Variants in SYNPR observed in about 807,000 individuals in gnomAD.
SYNPR encodes the protein synaptoporin.
Under a neutral mutation model 32.9 loss-of-function variants are expected in SYNPR, and 23 were observed. That is an observed-to-expected ratio of 0.70 (90% CI 0.50 to 0.99). The LOEUF (loss-of-function observed/expected upper bound fraction) is 0.99, where lower values mean the gene tolerates loss of function less well. SYNPR is among the 50% of genes least tolerant of loss of function. The pLI, the probability that SYNPR is intolerant of heterozygous loss-of-function variation, is 0.00. For synonymous variants in SYNPR, 146 were observed against 135.9 expected, an observed-to-expected ratio of 1.07 and a Z score of -0.52; for missense variants, 318 against 349.3, an observed-to-expected ratio of 0.91 and a Z score of 0.71.
chr3:63,417,114 T>C (rs186417366), intron 2 of SYNPR, among the ~76,000 whole-genome samples: 4 of 152,182 alleles, frequency 2.6e-5, no homozygotes, highest in Admixed American at 2.6e-4. Context: ...AAAATCAAAA[T>C]CAAATTGGTT....
the SYNPR span, among the ~76,000 whole-genome samples, chr3:63,217,351 A>C: frequency 3.8e-5 from 2 of 52,966 alleles, 1 homozygote; most frequent in African/African-American, 1.3e-4. Context: ...CTGTGCTAGC[A>C]ATCAGCGAGA....
At chr3:63,398,681 T>G (rs2088250609) in intron 2 of SYNPR, among the ~76,000 whole-genome samples, 2 of 151,188 alleles carry the variant, frequency 1.3e-5, no homozygotes, top group African/African-American at 4.9e-5. Context: ...ATCACACCAC[T>G]GTACTCCAGC....
chr3:63,290,473 C>T (rs920449363), intron 2 of SYNPR, among the ~76,000 whole-genome samples: 1 of 152,178 alleles, frequency 6.6e-6, no homozygotes, highest in Non-Finnish European at 1.5e-5. Flanking sequence ...TAAATGCCCT[C>T]ATGACTAAGG....
At chr3:63,424,707 G>A (rs925241301) in intron 2 of SYNPR, among the ~76,000 whole-genome samples, 3 of 152,020 alleles carry the variant, frequency 2.0e-5, no homozygotes, top group African/African-American at 4.8e-5. Context: ...ACACAATATC[G>A]ACAATCCCTT....
intron 3 of SYNPR, among the ~76,000 whole-genome samples, chr3:63,494,864 G>C (rs1370433240): frequency 6.6e-6 from 1 of 152,082 alleles, no homozygotes; most frequent in Non-Finnish European, 1.5e-5. Context: ...CCCTTGAGTT[G>C]ACAAGTCCCC....
At chr3:63,455,503 G>A (rs567928016) in intron 2 of SYNPR, among the ~76,000 whole-genome samples, 1 of 152,088 alleles carries the variant, frequency 6.6e-6, no homozygotes, top group South Asian at 2.1e-4. Context: ...ACTATGTTTG[G>A]AGTATGAAAT....
intron 2 of SYNPR, among the ~76,000 whole-genome samples, chr3:63,279,303 G>A (rs922566580): frequency 6.6e-6 from 1 of 152,162 alleles, no homozygotes; most frequent in Non-Finnish European, 1.5e-5. Context: ...AAACGGCGGC[G>A]GGTAGAGAGC....
At chr3:63,477,731 C>G (rs1026029507) in intron 2 of SYNPR, among the ~76,000 whole-genome samples, 2 of 151,520 alleles carry the variant, frequency 1.3e-5, no homozygotes, top group Admixed American at 6.6e-5. Context: ...TGGCTCCCCA[C>G]TGTCCATCTG....
intron 3 of SYNPR, among the ~76,000 whole-genome samples, chr3:63,522,332 A>T (rs1272550196): frequency 6.6e-6 from 1 of 152,224 alleles, no homozygotes; most frequent in Non-Finnish European, 1.5e-5. Flanking sequence ...TCTGTGAGAA[A>T]AAGAACAACA....
At chr3:63,410,461 A>G (rs1250225986) in intron 2 of SYNPR, among the ~76,000 whole-genome samples, 1 of 152,170 alleles carries the variant, frequency 6.6e-6, no homozygotes, top group Non-Finnish European at 1.5e-5. Flanking sequence ...CTAATGCACT[A>G]TCAGTTCAGG....
chr3:63,263,641 A>G (rs1184075265), intron 2 of SYNPR, among the ~76,000 whole-genome samples: 1 of 152,294 alleles, frequency 6.6e-6, no homozygotes, highest in Non-Finnish European at 1.5e-5. Context: ...AAAGTTGGTG[A>G]GTTGGTGCTG....
chr3:63,414,000 A>G (rs2107121144), intron 2 of SYNPR, among the ~76,000 whole-genome samples: 1 of 150,394 alleles, frequency 6.6e-6, no homozygotes, highest in Non-Finnish European at 1.5e-5. Context: ...AAATATATAA[A>G]TATATATACA....
chr3:63,305,797 T>C (rs2086903902), intron 2 of SYNPR, among the ~76,000 whole-genome samples: 1 of 152,030 alleles, frequency 6.6e-6, no homozygotes, highest in African/African-American at 2.4e-5. Flanking sequence ...CCTTCTTGCA[T>C]ATCCTAGGAT....
chr3:63,572,020 T>A (rs918676938), intron 4 of SYNPR, among the ~76,000 whole-genome samples: 2 of 152,178 alleles, frequency 1.3e-5, no homozygotes, highest in African/African-American at 4.8e-5. Flanking sequence ...AGGAATGAAC[T>A]CCAAGCTCCA....
upstream of SYNPR, among the ~76,000 whole-genome samples, chr3:63,225,793 C>T (rs1483311146): frequency 6.6e-6 from 1 of 152,066 alleles, no homozygotes; most frequent in Non-Finnish European, 1.5e-5. Context: ...TTAAAGCACA[C>T]ATATACAGGT....
chr3:63,226,343 A>G (rs889609133), upstream of SYNPR, among the ~76,000 whole-genome samples: 3 of 152,204 alleles, frequency 2.0e-5, no homozygotes, highest in Non-Finnish European at 4.4e-5. Context: ...TGGCAATACC[A>G]CTACTGGGTA....
chr3:63,499,419 G>A (rs551400119), intron 3 of SYNPR, among the ~76,000 whole-genome samples: 4 of 152,184 alleles, frequency 2.6e-5, no homozygotes, highest in South Asian at 2.1e-4. Context: ...AGACCAACTC[G>A]ATTTCTTATT....
chr3:63,361,830 A>T (rs926649708), intron 2 of SYNPR, among the ~76,000 whole-genome samples: 2 of 151,520 alleles, frequency 1.3e-5, no homozygotes, highest in Non-Finnish European at 2.9e-5. Context: ...ATATATATGC[A>T]TGAGTATACA....
intron 2 of SYNPR, among the ~76,000 whole-genome samples, chr3:63,478,008 C>G (rs1700964601): frequency 6.6e-6 from 1 of 152,180 alleles, no homozygotes; most frequent in Non-Finnish European, 1.5e-5. Context: ...ATCCATGTAC[C>G]TTACAGCAGT....
Sources: gnomAD v4.1 joint callset for allele counts (sites outside exome capture counted in the v4.1 genomes callset) on GRCh38, gnomAD v4.1.1 for gene constraint, MANE v1.5 for transcripts, NCBI Gene and HGNC (gene_info 2026-07-23, HGNC 2026-07-21) for gene names.